AMHR2: variants seen among roughly 807,000 people sequenced by gnomAD.
AMHR2 encodes anti-Mullerian hormone receptor type 2, also known as anti-Muellerian hormone type-2 receptor.
A neutral mutation model predicts 61.4 loss-of-function variants in AMHR2; 36 were observed. The observed-to-expected ratio is 0.59, with a 90% confidence interval of 0.45 to 0.77. The LOEUF (loss-of-function observed/expected upper bound fraction) is 0.77. Ranked by LOEUF, AMHR2 falls within the 30% of genes least tolerant of loss-of-function variation. The pLI is 0.00. For synonymous variants in AMHR2, 258 were observed against 279.4 expected, an observed-to-expected ratio of 0.92 and a Z score of 0.76; for missense variants, 638 against 714.6, an observed-to-expected ratio of 0.89 and a Z score of 1.22.
chr12:53,424,018 T>C, intron 1 of AMHR2, 35 bp downstream of exon 1: 1 of 1,612,426 alleles, frequency 6.2e-7, no homozygotes. Context: ...GGTCTCTCCA[T>C]CCATCCAGCA....
At chr12:53,424,641 C>CCA (rs1939375810) in intron 2 of AMHR2, 68 bp from the exon 3 acceptor site, 1 of 1,553,394 alleles carries the variant, frequency 6.4e-7, no homozygotes, top group South Asian at 1.2e-5. Context: ...CCCTCTGTTT[C>CCA]CACACCCCAT....
rs373621190 is a variant in AMHR2, at chr12:53,425,843, G to A, written c.776G>A (p.Arg259Gln). ...LPGLQHDHIVRFITASRGGPG... is the reference protein window; with the variant it reads ...LPGLQHDHIVQFITASRGGPG... ...GGCCTACAGCACGACCACATTGTCC[G>A]ATTTATCACTGCCAGCCGGGGGGGT... The change falls in exon 6 of 11, where the codon CGA (arginine) becomes CAA (glutamine). Residue 259 changes from arginine to glutamine, a missense_variant. Arg to Gln is a conservative substitution (Grantham distance 43). Coordinates refer to ENST00000257863, the MANE Select transcript of AMHR2 (RefSeq NM_020547.3). The A allele has an allele frequency of 8.5e-5, 137 of 1,613,960 alleles. 1 individual carries two copies. Among genetic ancestry groups the A allele is most frequent in the Non-Finnish European group, 1.1e-4 (133 of 1,180,018 alleles).
chr12:53,424,931 G>T, intron 3 of AMHR2, 31 bp downstream of exon 3: 1 of 1,600,470 alleles, frequency 6.2e-7, no homozygotes. Flanking sequence ...AAGCCTGATG[G>T]GGGCTGGGGC....
intron 6 of AMHR2, 139 bp downstream of exon 6, chr12:53,426,058 A>G: frequency 1.0e-6 from 1 of 982,324 alleles, no homozygotes. Flanking sequence ...TGGCCAGGCG[A>G]GGTGGCCCAC....
rs1939287740 is a variant in AMHR2, at chr12:53,423,961, A to G, written c.27A>G (p.Ala9=). Residue 9 remains alanine, a synonymous_variant, in exon 1 of 11, where the codon GCA becomes GCG. Coordinates refer to ENST00000257863, the MANE Select transcript of AMHR2 (RefSeq NM_020547.3). MLGSLGLW[A]LLPTAVEAPP... is the part of the protein sequence containing the mutation. ...TGCTAGGGTCTTTGGGGCTTTGGGC[A>G]TTACTTCCCACAGCTGTGGAAGGTA... 1.2e-6 allele frequency: 2 copies of G among 1,613,934 alleles called. No individual in the cohort carries two copies. The highest frequency in any genetic ancestry group is 1.7e-5 in the Admixed American group (1 of 59,980).
At chr12:53,424,607 C>A in intron 2 of AMHR2, 102 bp from the exon 3 acceptor site, 1 of 1,525,844 alleles carries the variant, frequency 6.6e-7, no homozygotes. Flanking sequence ...CTGGAAGGGA[C>A]GCCTCTGATA....
At chr12:53,427,329 T>G (rs540050356) in intron 6 of AMHR2, among the ~76,000 whole-genome samples, 2 of 152,234 alleles carry the variant, frequency 1.3e-5, no homozygotes, top group Non-Finnish European at 2.9e-5. Context: ...TGTTAAATAT[T>G]TGGGGCTTTT....
chr12:53,424,427 G>T lies in AMHR2; in HGVS notation c.189G>T (p.Gly63=), dbSNP rs769271536. Residue 63 remains glycine (G), a synonymous_variant, in exon 2 of 11, where the codon GGG becomes GGT. Coordinates refer to ENST00000257863, the MANE Select transcript of AMHR2 (RefSeq NM_020547.3). ...GCCTCTACAGCCGCTGCTGCTTTGG[G>T]ATCTGGAACCTGACCCAAGACCGGG... ...IRCLYSRCCF[G]IWNLTQDRAQ... The T allele has an allele frequency of 3.7e-6, 6 of 1,613,614 alleles. No homozygotes were observed. In the African/African-American group the frequency reaches 8.0e-5, roughly 22 times the overall value.
intron 2 of AMHR2, 25 bp from the exon 3 acceptor site, chr12:53,424,684 T>C: frequency 1.2e-6 from 2 of 1,610,112 alleles, no homozygotes; most frequent in South Asian, 1.1e-5. Flanking sequence ...CTTTCTCTCC[T>C]CTTCCCCTAA....
intron 10 of AMHR2, chr12:53,430,975 C>T (rs1940053063): frequency 3.0e-6 from 2 of 656,400 alleles, no homozygotes; most frequent in East Asian, 2.7e-5. Flanking sequence ...GTGGGCTATA[C>T]AGAAGGCCCC....
In AMHR2 at chr12:53,429,835, G is replaced by A. The variant is rs1939956923; in HGVS notation, c.1145G>A (p.Gly382Asp). The change falls in exon 9 of 11, where the codon GGC becomes GAC. Residue 382 changes from glycine (G) to aspartate (D), a missense_variant. Gly to Asp is a moderately conservative substitution (Grantham distance 94). Coordinates refer to ENST00000257863, the MANE Select transcript of AMHR2 (RefSeq NM_020547.3). ...CCTTCGTGCCTTGCTCTCCAGGCTG[G>A]CACCCAGAGGTACATGGCACCAGAG... is the stretch of plus-strand genomic sequence containing the variant. ...PQGPAAIMEA[G>D]TQRYMAPELL... 6.2e-7 allele frequency: 1 copy of A among 1,614,174 alleles called. No homozygotes were observed. Among genetic ancestry groups the A allele is most frequent in the East Asian group, 2.2e-5 (1 of 44,884 alleles).
rs1939854532 is a variant in AMHR2, at chr12:53,428,920, C to T, written c.877C>T (p.Gln293Ter). 6.4e-7 allele frequency: 1 copy of T among 1,551,648 alleles called. No homozygotes were observed. Among genetic ancestry groups the T allele is most frequent in the Non-Finnish European group, 8.7e-7 (1 of 1,147,038 alleles). The change falls in exon 7 of 11, where the codon CAG becomes TAG. Residue 293 changes from glutamine to a stop codon, truncating the protein, a stop_gained. Coordinates refer to ENST00000257863, the MANE Select transcript of AMHR2 (RefSeq NM_020547.3). LOFTEE classifies it high-confidence loss of function. Reference protein sequence around the residue: ...PKGSLCHYLTQYTSDWGSSLR... With the variant: ...PKGSLCHYLT Reference sequence around the variant, plus strand: ...GGGCTCCCTGTGCCACTACTTGACCCAGTACACCAGTGACTGGGGAAGTTC... The same window carrying T: ...GGGCTCCCTGTGCCACTACTTGACCTAGTACACCAGTGACTGGGGAAGTTC...
chr12:53,424,531 G>T, intron 2 of AMHR2, 61 bp downstream of exon 2: 1 of 1,589,620 alleles, frequency 6.3e-7, no homozygotes, highest in Non-Finnish European at 8.6e-7. Flanking sequence ...ATCCTGGGGT[G>T]TGGGTGGCAA....
In AMHR2 at chr12:53,431,367, C is replaced by A; in HGVS notation, c.1616C>A (p.Pro539His). The A allele has an allele frequency of 6.2e-7, 1 of 1,614,240 alleles. No individual in the cohort carries two copies. ...GAAGACTGTACTTCAATTCCTGCCCCTACCATCCTCCCCTGTAGGCCTCAG... is the reference window on the plus strand; with the variant it reads ...GAAGACTGTACTTCAATTCCTGCCCATACCATCCTCCCCTGTAGGCCTCAG... ...CPEDCTSIPAPTILPCRPQRS... is the reference protein window; with the variant it reads ...CPEDCTSIPAHTILPCRPQRS... Residue 539 changes from proline (P) to histidine (H), a missense_variant, in exon 11 of 11, where the codon CCT becomes CAT. By Grantham distance (77) the Pro-to-His change is moderately conservative. Transcript: ENST00000257863.
At chr12:53,428,256 G>A (rs1313331236) in intron 6 of AMHR2, among the ~76,000 whole-genome samples, 1 of 152,130 alleles carries the variant, frequency 6.6e-6, no homozygotes, top group African/African-American at 2.4e-5. Context: ...CGTGGCCACC[G>A]AAGGTGCTCG....
intron 10 of AMHR2, 51 bp downstream of exon 10, chr12:53,430,333 ATGGG>A: frequency 6.2e-7 from 1 of 1,613,766 alleles, no homozygotes; most frequent in Non-Finnish European, 8.5e-7. Context: ...GGGGCTGGGC[ATGGG>A]CTTCAAGGAC....
chr12:53,430,102 A>T, intron 9 of AMHR2, 44 bp from the exon 10 acceptor site: 1 of 1,613,860 alleles, frequency 6.2e-7, no homozygotes, highest in Non-Finnish European at 8.5e-7. Flanking sequence ...CATGGTAGGC[A>T]CCCCTAGGAC....
chr12:53,426,467 C>A (rs1467804274), intron 6 of AMHR2, among the ~76,000 whole-genome samples: 1 of 151,700 alleles, frequency 6.6e-6, no homozygotes, highest in Non-Finnish European at 1.5e-5. Flanking sequence ...CTACAAAAAA[C>A]AAAAAATTGG....
chr12:53,424,203 T>C (rs1490085492), intron 1 of AMHR2, 85 bp from the exon 2 acceptor site: 3 of 1,541,852 alleles, frequency 1.9e-6, no homozygotes, highest in Non-Finnish European at 1.8e-6. Context: ...ATGTGGAACA[T>C]GTTTTGTCTA....
Sources: gnomAD v4.1 joint callset for allele counts (sites outside exome capture counted in the v4.1 genomes callset) on GRCh38, gnomAD v4.1.1 for gene constraint, MANE v1.5 for transcripts, NCBI Gene and HGNC (gene_info 2026-07-23, HGNC 2026-07-21) for gene names.